Variants in MORC3 observed in about 807,000 individuals in gnomAD.
MORC3 encodes the protein MORC family CW-type zinc finger 3.
MORC3 carries 31 observed loss-of-function variants against 109.1 expected under a neutral mutation model. That is an observed-to-expected ratio of 0.28 (90% confidence interval 0.21 to 0.38). The LOEUF (loss-of-function observed/expected upper bound fraction) is 0.38, where lower values mean the gene tolerates loss of function less well. Ranked by LOEUF, MORC3 falls within the 10% of genes least tolerant of loss-of-function variation. The pLI is 1.00. For missense variants in MORC3, 867 were observed against 1,135.8 expected (o/e 0.76, Z 3.40); for synonymous variants, 395 against 380.7 (o/e 1.04, Z -0.44).
chr21:36,327,266 C>G (rs1323581608), intron 1 of MORC3, among the ~76,000 whole-genome samples: 5 of 145,006 alleles, frequency 3.4e-5, no homozygotes, highest in African/African-American at 7.9e-5. Context: ...AAGCAATTCT[C>G]CTGCCACAGC....
Position 36,344,588 on chromosome 21 carries a change from A to C in MORC3, c.766A>C (p.Ser256Arg). The change falls in exon 7 of 17, where the codon AGT becomes CGT. Residue 256 changes from serine to arginine, a missense_variant. Physicochemically the swap from Ser to Arg is moderately radical, Grantham distance 110. Transcript: ENST00000400485. ...ESDYSLRAYCSILYLKPRMQI... is the reference protein window; with the variant it reads ...ESDYSLRAYCRILYLKPRMQI... ...TTATGTTATTTTCCAGGCTTATTGC[A>C]GTATATTATATCTAAAGCCAAGAAT... The C allele has an allele frequency of 6.2e-7, 1 of 1,613,392 alleles. No individual in the cohort carries two copies. The highest frequency in any genetic ancestry group is 8.5e-7 in the Non-Finnish European group (1 of 1,179,796).
At chr21:36,331,440 T>C (rs1167390983) in intron 1 of MORC3, among the ~76,000 whole-genome samples, 1 of 151,846 alleles carries the variant, frequency 6.6e-6, no homozygotes, top group Non-Finnish European at 1.5e-5. Flanking sequence ...CTACTAAAAA[T>C]ACAAAAAATT....
At chr21:36,322,627 C>T (rs1021466996) in intron 1 of MORC3, among the ~76,000 whole-genome samples, 3 of 152,170 alleles carry the variant, frequency 2.0e-5, no homozygotes. Context: ...CTGCCTTGGC[C>T]TCCTAAAGCA....
At chr21:36,353,722 A>G in intron 9 of MORC3, among the ~76,000 whole-genome samples, 1 of 142,800 alleles carries the variant, frequency 7.0e-6, no homozygotes, top group East Asian at 2.2e-4. Flanking sequence ...CTGGGATTAC[A>G]GGCACCTGCC....
At chr21:36,334,080 C>A (rs987804480) in intron 2 of MORC3, among the ~76,000 whole-genome samples, 1 of 152,052 alleles carries the variant, frequency 6.6e-6, no homozygotes, top group Non-Finnish European at 1.5e-5. Flanking sequence ...AGCCACCGCA[C>A]CCGGCCTACA....
At position 36,349,382 on chromosome 21, in the gene MORC3, A is replaced by C; in HGVS notation, c.1077A>C (p.Gln359His). 6.2e-7 allele frequency: 1 copy of C among 1,609,054 alleles called. No homozygotes were observed. Among genetic ancestry groups the C allele is most frequent in the Non-Finnish European group, 8.5e-7 (1 of 1,177,340 alleles). Residue 359 changes from glutamine (Q) to histidine (H), a missense_variant, in exon 9 of 17, where the codon CAA becomes CAC. By Grantham distance (24) the Gln-to-His change is conservative. Transcript: ENST00000400485. ...TCCTTAAGCCAACTCATAATAAACA[A>C]GATTTCGACTATACTAATGAGTACA... ...CNFLKPTHNK[Q>H]DFDYTNEYRL...
chr21:36,332,252 T>A (rs1192672333), intron 1 of MORC3, among the ~76,000 whole-genome samples: 1 of 152,034 alleles, frequency 6.6e-6, no homozygotes, highest in Non-Finnish European at 1.5e-5. Context: ...CTGGTCAACA[T>A]GGCGAAACCC....
chr21:36,343,781 T>A (rs962958307), intron 6 of MORC3, among the ~76,000 whole-genome samples: 25 of 152,248 alleles, frequency 1.6e-4, no homozygotes, highest in Non-Finnish European at 1.2e-4. Context: ...GATATTATTC[T>A]TTAATCCCAA....
intron 10 of MORC3, among the ~76,000 whole-genome samples, chr21:36,357,079 G>A (rs551646152): frequency 2.0e-5 from 3 of 152,222 alleles, no homozygotes; most frequent in Admixed American, 6.5e-5. Flanking sequence ...AAGTAGCCAT[G>A]TGGCATTGAA....
chr21:36,369,768 T>C lies in MORC3; in HGVS notation c.2400T>C (p.Cys800=). Residue 800 remains cysteine (C), a synonymous_variant, in exon 15 of 17, where the codon TGT becomes TGC. Coordinates refer to ENST00000400485, the MANE Select transcript of MORC3 (RefSeq NM_015358.3). The part of the protein sequence containing the change: ...LQHVKAECSQ[C]SNNESKSEMD... ...ATGTAAAGGCTGAATGCAGCCAGTG[T>C]TCCAATAATGAGAGTAAAAGTGAAA... The C allele has an allele frequency of 6.2e-7, 1 of 1,614,210 alleles. No homozygotes were observed. The highest frequency in any genetic ancestry group is 8.5e-7 in the Non-Finnish European group (1 of 1,180,048).
At chr21:36,333,366 G>C in intron 1 of MORC3, 1 of 400,994 alleles carries the variant, frequency 2.5e-6, no homozygotes, top group Non-Finnish European at 4.4e-6. Flanking sequence ...GTCTTGGCAA[G>C]GTATGTCCCT....
At chr21:36,359,556 CTTTTTTTT>C (rs5843757) in intron 10 of MORC3, among the ~76,000 whole-genome samples, 6 of 93,938 alleles carry the variant, frequency 6.4e-5, no homozygotes, top group African/African-American at 2.9e-4. Flanking sequence ...CTTTCCTCTC[CTTTTTTTT>C]TTTTTTTTTT....
At chr21:36,361,278 T>C (rs1451514613) in intron 12 of MORC3, among the ~76,000 whole-genome samples, 1 of 151,538 alleles carries the variant, frequency 6.6e-6, no homozygotes, top group Non-Finnish European at 1.5e-5. Context: ...GTGTGGTGGC[T>C]CACACCTGTA....
intron 14 of MORC3, among the ~76,000 whole-genome samples, chr21:36,366,502 G>A (rs1415044775): frequency 4.0e-5 from 6 of 151,480 alleles, no homozygotes; most frequent in Admixed American, 4.0e-4. Context: ...CTGTCACCCA[G>A]CCTGGAGTGC....
intron 1 of MORC3, among the ~76,000 whole-genome samples, chr21:36,328,915 A>AAG (rs1186299250): frequency 8.6e-5 from 13 of 151,900 alleles, no homozygotes; most frequent in Admixed American, 6.6e-4. Flanking sequence ...GTAAAAAAAA[A>AAG]AAAAAGAAAA....
At position 36,344,471 on chromosome 21, in the gene MORC3, G is replaced by C. The variant is rs138222205; in HGVS notation, c.757-108G>C. 403 of 1,272,458 alleles carry C rather than the reference G, an allele frequency of 3.2e-4. 6 individuals are homozygous for C. In the East Asian group the frequency reaches 9.6e-3, roughly 30 times the overall value. 78.8% of individuals were successfully genotyped at this position (1,272,458 alleles called of 1,614,324 possible). ...GCTTTATAGCCTATTTTATTGAAGAGTTAATTGATCTTTTATCAAGTTAAT... is the reference window on the plus strand; with the variant it reads ...GCTTTATAGCCTATTTTATTGAAGACTTAATTGATCTTTTATCAAGTTAAT... On this transcript the variant is annotated intron_variant, in intron 6 of 16. Transcript: ENST00000400485.
At position 36,369,550 on chromosome 21, in the gene MORC3, C is replaced by A; in HGVS notation, c.2182C>A (p.Gln728Lys). 2 of 1,614,146 alleles carry A rather than the reference C, an allele frequency of 1.2e-6. No individual in the cohort carries two copies. Among genetic ancestry groups the A allele is most frequent in the Non-Finnish European group, 1.7e-6 (2 of 1,180,024 alleles). The change falls in exon 15 of 17, where the codon CAA (glutamine) becomes AAA (lysine). Residue 728 changes from glutamine to lysine, a missense_variant. Gln to Lys is a moderately conservative substitution (Grantham distance 53). Coordinates refer to ENST00000400485, the MANE Select transcript of MORC3 (RefSeq NM_015358.3). Reference protein sequence around the residue: ...HMFTDQIKVLQQRILEMNDKY... With the variant: ...HMFTDQIKVLKQRILEMNDKY... ...GTTTACTGATCAAATCAAAGTGTTA[C>A]AACAGAGGATACTAGAAATGAATGA...
intron 8 of MORC3, among the ~76,000 whole-genome samples, chr21:36,346,612 C>T (rs1018806100): frequency 2.0e-5 from 3 of 151,608 alleles, no homozygotes; most frequent in African/African-American, 4.9e-5. Flanking sequence ...AGTTCAAGAC[C>T]AGCCTGGGCA....
At chr21:36,323,596 T>G (rs1466002419) in intron 1 of MORC3, among the ~76,000 whole-genome samples, 3 of 152,126 alleles carry the variant, frequency 2.0e-5, no homozygotes, top group Non-Finnish European at 4.4e-5. Flanking sequence ...TGAAAATACA[T>G]TCATGCTACC....
Sources: gnomAD v4.1 joint callset for allele counts (sites outside exome capture counted in the v4.1 genomes callset) on GRCh38, gnomAD v4.1.1 for gene constraint, MANE v1.5 for transcripts, NCBI Gene and HGNC (gene_info 2026-07-23, HGNC 2026-07-21) for gene names.